The following ADA2 variants were observed in gnomAD, a reference collection of about 807,000 sequenced individuals.
ADA2 encodes adenosine deaminase 2.
A neutral mutation model predicts 44.2 loss-of-function variants in ADA2; 29 were observed. The observed-to-expected ratio is 0.66, with a 90% CI of 0.49 to 0.89. The LOEUF is 0.89. Among genes scored for constraint, ADA2 ranks in the 40% least tolerant of loss-of-function variants. ADA2 has a pLI of 0.00. For synonymous variants in ADA2, 215 were observed against 234.9 expected, an observed-to-expected ratio of 0.92 and a Z score of 0.77; for missense variants, 637 against 644.8, an observed-to-expected ratio of 0.99 and a Z score of 0.13.
chr22:17,201,354 G>A (rs561795970), intron 4 of ADA2, among the ~76,000 whole-genome samples: 2 of 152,288 alleles, frequency 1.3e-5, no homozygotes, highest in Admixed American at 1.3e-4. Flanking sequence ...ATCCTGCGGA[G>A]TCCTATCACT....
chr22:17,189,693 T>C (rs1435882862), intron 6 of ADA2: 5 of 449,538 alleles, frequency 1.1e-5, no homozygotes, highest in African/African-American at 2.0e-5. Context: ...GGAACTTTCC[T>C]TGTTAGCTTG....
chr22:17,209,094 C>T (rs770500802), intron 2 of ADA2, among the ~76,000 whole-genome samples: 1 of 152,020 alleles, frequency 6.6e-6, no homozygotes, highest in Non-Finnish European at 1.5e-5. Flanking sequence ...AGCTTAGCCC[C>T]TGGGAAAACT....
intron 3 of ADA2, among the ~76,000 whole-genome samples, chr22:17,204,570 A>G (rs2062331162): frequency 1.3e-5 from 2 of 151,650 alleles, no homozygotes; most frequent in Non-Finnish European, 2.9e-5. Flanking sequence ...AGATCGCACC[A>G]CTGTACTCCA....
In ADA2 at chr22:17,180,809, G is replaced by C. The variant is rs1251860772; in HGVS notation, c.*674C>G. 6.6e-6 allele frequency: 1 copy of C among 152,230 alleles called. No homozygotes were observed. Among genetic ancestry groups the C allele is most frequent in the African/African-American group, 2.4e-5 (1 of 41,460 alleles). 9.4% of individuals were successfully genotyped at this position (152,230 alleles called of 1,614,324 possible). ...TGAGACCACCCAGGAAAAGTGTACA[G>C]AGAGAGAAGAGAAATAAAGAGGAGA... On this transcript the variant is annotated 3_prime_UTR_variant, in exon 10 of 10. Transcript: ENST00000399837.
At chr22:17,220,909 C>T (rs1161082943), upstream of ADA2, among the ~76,000 whole-genome samples, 1 of 152,144 alleles carries the variant, frequency 6.6e-6, no homozygotes, top group African/African-American at 2.4e-5. Context: ...CTCAGTGGTG[C>T]ATGCCTGTAA....
At chr22:17,183,095 T>C (rs548148405) in intron 7 of ADA2, among the ~76,000 whole-genome samples, 3 of 152,298 alleles carry the variant, frequency 2.0e-5, no homozygotes, top group South Asian at 4.1e-4. Context: ...TTGTTGTTGT[T>C]GTTTTTTGAG....
At position 17,188,360 on chromosome 22, in the gene ADA2, A is replaced by G. The variant is rs373498904; in HGVS notation, c.1060T>C (p.Phe354Leu). ...PAKDGVKLPYFFHAGETDWQG... is the reference protein window; with the variant it reads ...PAKDGVKLPYLFHAGETDWQG... ...TCACCTGTTTCTCCGGCGTGGAAGAAGTAAGGCAGCTTAACGCCATCCTTG... is the reference window on the plus strand; with the variant it reads ...TCACCTGTTTCTCCGGCGTGGAAGAGGTAAGGCAGCTTAACGCCATCCTTG... The change falls in exon 7 of 10, where the codon TTC becomes CTC. Residue 354 changes from phenylalanine (F) to leucine (L), a missense_variant. Physicochemically the swap from Phe to Leu is conservative, Grantham distance 22. Coordinates refer to ENST00000399837, the MANE Select transcript of ADA2 (RefSeq NM_001282225.2). 6 of 1,613,946 alleles carry G rather than the reference A, an allele frequency of 3.7e-6. No individual in the cohort carries two copies. The Admixed American group carries it at 5.0e-5, about 13-fold the overall frequency.
chr22:17,202,060 C>T (rs1479744553), intron 4 of ADA2, among the ~76,000 whole-genome samples: 1 of 150,130 alleles, frequency 6.7e-6, no homozygotes, highest in Non-Finnish European at 1.5e-5. Flanking sequence ...CAAGCTCCTC[C>T]CCCTGGGTTC....
intron 7 of ADA2, 35 bp from the exon 8 acceptor site, chr22:17,182,796 G>A (rs1472995345): frequency 1.4e-5 from 21 of 1,543,670 alleles, no homozygotes; most frequent in Non-Finnish European, 1.9e-5. Context: ...ATGGGGGATG[G>A]ATGGGTCTGG....
chr22:17,192,248 G>A (rs2062126217), intron 4 of ADA2, among the ~76,000 whole-genome samples: 1 of 152,086 alleles, frequency 6.6e-6, no homozygotes. Flanking sequence ...CTCCTTCATT[G>A]CTGGGTCACT....
At chr22:17,182,056 T>G (rs1568966231) in intron 8 of ADA2, 34 bp from the exon 9 acceptor site, 5 of 1,545,566 alleles carry the variant, frequency 3.2e-6, no homozygotes, top group Non-Finnish European at 4.4e-6. Flanking sequence ...AAAGATGAAC[T>G]CTGATCCCTA....
intron 6 of ADA2, 69 bp downstream of exon 6, chr22:17,189,873 G>A (rs1464157281): frequency 8.1e-5 from 93 of 1,150,152 alleles, no homozygotes; most frequent in East Asian, 2.4e-4. Flanking sequence ...GGGAGTTGCC[G>A]CTCCACCCAG....
At chr22:17,217,902 G>C (rs945084096) in intron 1 of ADA2, among the ~76,000 whole-genome samples, 1 of 152,204 alleles carries the variant, frequency 6.6e-6, no homozygotes, top group Non-Finnish European at 1.5e-5. Context: ...AACATGTCAA[G>C]ACTGTAAATT....
Position 17,188,405 on chromosome 22 carries a change from C to T in ADA2, c.1015G>A (p.Glu339Lys). Residue 339 changes from glutamate (E) to lysine (K), a missense_variant, in exon 7 of 10, where the codon GAA becomes AAA. Transcript: ENST00000399837. ...DTGHSLHDYK[E>K]ALMIPAKDGV... ...TCCTTGGCGGGGATCATCAGAGCTTCCTTGTAGTCATGCAAGGAGTGGCCA... is the reference window on the plus strand; with the variant it reads ...TCCTTGGCGGGGATCATCAGAGCTTTCTTGTAGTCATGCAAGGAGTGGCCA... 6.2e-7 allele frequency: 1 copy of T among 1,614,092 alleles called. No individual in the cohort carries two copies. The highest frequency in any genetic ancestry group is 1.1e-5 in the South Asian group (1 of 91,086).
chr22:17,187,927 A>G (rs1372806187), intron 7 of ADA2, among the ~76,000 whole-genome samples: 4 of 151,852 alleles, frequency 2.6e-5, no homozygotes, highest in Admixed American at 1.3e-4. Flanking sequence ...ACACGGTGAA[A>G]CCCCGTCTCT....
At chr22:17,198,034 G>A (rs2062215352) in intron 4 of ADA2, among the ~76,000 whole-genome samples, 1 of 144,066 alleles carries the variant, frequency 6.9e-6, no homozygotes, top group African/African-American at 2.5e-5. Context: ...ACGAAACTCC[G>A]TCTCAAAAAA....
chr22:17,207,287 G>A lies in ADA2; in HGVS notation c.326C>T (p.Ala109Val). Residue 109 changes from alanine to valine, a missense_variant, in exon 3 of 10, where the codon GCT becomes GTT. Ala to Val is a moderately conservative substitution (Grantham distance 64, BLOSUM62 0). Coordinates refer to ENST00000399837, the MANE Select transcript of ADA2 (RefSeq NM_001282225.2). Reference sequence around the variant, plus strand: ...GCCAATGTCATGGAGGTGCAAGGCAGCCCCTGGAGAGGGAAGAAGAATGGT... The same window carrying A: ...GCCAATGTCATGGAGGTGCAAGGCAACCCCTGGAGAGGGAAGAAGAATGGT... ...FNILRMMPKG[A>V]ALHLHDIGIV... 6.2e-7 allele frequency: 1 copy of A among 1,600,314 alleles called. No homozygotes were observed. The highest frequency in any genetic ancestry group is 2.2e-5 in the East Asian group (1 of 44,516).
At chr22:17,221,010 G>T (rs2062518964), upstream of ADA2, among the ~76,000 whole-genome samples, 1 of 152,074 alleles carries the variant, frequency 6.6e-6, no homozygotes, top group Non-Finnish European at 1.5e-5. Context: ...AGGTGTGGTG[G>T]TGCGCACCTG....
chr22:17,190,688 C>T (rs2062104305), intron 5 of ADA2, among the ~76,000 whole-genome samples: 1 of 152,224 alleles, frequency 6.6e-6, no homozygotes, highest in African/African-American at 2.4e-5. Context: ...CTGCCCCACC[C>T]ATGGCCTCTC....
Sources: allele counts gnomAD v4.1 joint callset (sites outside exome capture counted in the v4.1 genomes callset), GRCh38; gene constraint gnomAD v4.1.1; transcripts MANE v1.5; gene names NCBI Gene and HGNC (gene_info 2026-07-23, HGNC 2026-07-21).